The following CD247 variants were observed in gnomAD, a reference collection of about 807,000 sequenced individuals.
The protein encoded by CD247 is T-cell surface glycoprotein CD3 zeta chain.
CD247 carries 13 observed loss-of-function variants against 30.0 expected under a neutral mutation model. That is an observed-to-expected ratio of 0.43 (90% CI 0.28 to 0.69). CD247 has a LOEUF of 0.69. Among genes scored for constraint, CD247 ranks in the 30% least tolerant of loss-of-function variants. CD247 has a pLI of 0.16. For missense variants in CD247, 193 were observed against 212.6 expected (o/e 0.91, Z 0.57); for synonymous variants, 72 against 80.0 (o/e 0.90, Z 0.53).
intron 1 of CD247, among the ~76,000 whole-genome samples, chr1:167,481,449 C>T (rs959789728): frequency 7.9e-5 from 12 of 152,054 alleles, no homozygotes; most frequent in Admixed American, 1.3e-4. Flanking sequence ...GATTTCATGA[C>T]GCAGGGGAGA....
chr1:167,507,963 TA>T (rs935522183), intron 1 of CD247, among the ~76,000 whole-genome samples: 1 of 152,142 alleles, frequency 6.6e-6, no homozygotes, highest in Non-Finnish European at 1.5e-5. Context: ...AACGAGGAAT[TA>T]GGTCAGCTTC....
intron 1 of CD247, among the ~76,000 whole-genome samples, chr1:167,485,500 C>T (rs1003609157): frequency 1.3e-5 from 2 of 152,112 alleles, no homozygotes; most frequent in Non-Finnish European, 2.9e-5. Context: ...AAAACCTAGT[C>T]TAGGGTGTGG....
chr1:167,446,546 C>T (rs1292690517), intron 1 of CD247, among the ~76,000 whole-genome samples: 4 of 152,260 alleles, frequency 2.6e-5, no homozygotes, highest in Admixed American at 6.5e-5. Context: ...TGCACAGTGG[C>T]GCATGCTAAG....
intron 1 of CD247, among the ~76,000 whole-genome samples, chr1:167,475,258 A>C (rs947140372): frequency 6.6e-6 from 1 of 152,180 alleles, no homozygotes; most frequent in African/African-American, 2.4e-5. Context: ...CACCTGTCGC[A>C]CAACATCAAC....
chr1:167,506,364 C>G lies in CD247; in HGVS notation c.58+12044G>C, dbSNP rs1051226052. Among the ~76,000 whole-genome samples the G allele has an allele frequency of 1.4e-5, 2 of 147,434 alleles. 1 individual carries two copies. Among genetic ancestry groups the G allele is most frequent in the Admixed American group, 1.4e-4 (2 of 14,544 alleles). ...TCTCCCTCCCCTCCCCTCCCCTTCC[C>G]TTTCTTTTTCTCTCACTCTGTTGTC... is the stretch of plus-strand genomic sequence containing the variant. On this transcript the variant is annotated intron_variant, in intron 1 of 7. Coordinates refer to ENST00000362089, the MANE Select transcript of CD247 (RefSeq NM_198053.3).
intron 1 of CD247, among the ~76,000 whole-genome samples, chr1:167,502,545 A>G (rs1211605420): frequency 1.3e-5 from 2 of 152,160 alleles, no homozygotes; most frequent in East Asian, 3.8e-4. Context: ...TTGAGAGATG[A>G]TTCCAGAAAC....
chr1:167,440,635 C>A (rs752198746), intron 2 of CD247, 29 bp downstream of exon 2: 42 of 1,489,256 alleles, frequency 2.8e-5, no homozygotes, highest in Non-Finnish European at 3.9e-5. Flanking sequence ...GGACCCCGTG[C>A]CCTCCTCCCA....
At chr1:167,453,759 G>T (rs973048018) in intron 1 of CD247, among the ~76,000 whole-genome samples, 16 of 152,174 alleles carry the variant, frequency 1.1e-4, no homozygotes. Flanking sequence ...CTTGAGCTCA[G>T]GAGTTTGAGA....
intron 1 of CD247, among the ~76,000 whole-genome samples, chr1:167,505,014 CT>C (rs1364252904): frequency 1.2e-4 from 19 of 152,216 alleles, no homozygotes; most frequent in Admixed American, 1.2e-3. Flanking sequence ...CTCACGACAG[CT>C]TTTCTTTAAA....
At position 167,517,334 on chromosome 1, in the gene CD247, G is replaced by A. The variant is rs35657253; in HGVS notation, c.58+1074C>T. Among the ~76,000 whole-genome samples, 1,254 of 152,318 alleles carry A rather than the reference G, an allele frequency of 8.2e-3. 19 individuals are homozygous for A. Among genetic ancestry groups the A allele is most frequent in the African/African-American group, 0.029 (1,190 of 41,558 alleles). On this transcript the variant is annotated intron_variant, in intron 1 of 7. Transcript: ENST00000362089. ...GCCCCTAAACAAATTCCCACACCCAGGTGAGTTACCAGGAGCGATCAGGTG... is the reference window on the plus strand; with the variant it reads ...GCCCCTAAACAAATTCCCACACCCAAGTGAGTTACCAGGAGCGATCAGGTG...
At chr1:167,454,778 C>T (rs1024548608) in intron 1 of CD247, among the ~76,000 whole-genome samples, 1 of 152,192 alleles carries the variant, frequency 6.6e-6, no homozygotes, top group Non-Finnish European at 1.5e-5. Flanking sequence ...AGCTGGAGAC[C>T]CTCTGGGCCT....
At chr1:167,502,985 G>A (rs1654973883) in intron 1 of CD247, among the ~76,000 whole-genome samples, 1 of 152,304 alleles carries the variant, frequency 6.6e-6, no homozygotes, top group East Asian at 1.9e-4. Context: ...TCAGTTTGTG[G>A]CACTTTGTTA....
chr1:167,475,408 G>A (rs1408642626), intron 1 of CD247, among the ~76,000 whole-genome samples: 4 of 152,126 alleles, frequency 2.6e-5, no homozygotes, highest in South Asian at 2.1e-4. Flanking sequence ...GGAAGAAATC[G>A]AACACTTATC....
chr1:167,498,499 A>C (rs935772409), intron 1 of CD247, among the ~76,000 whole-genome samples: 14 of 152,164 alleles, frequency 9.2e-5, no homozygotes, highest in Non-Finnish European at 1.9e-4. Flanking sequence ...CAGACACTCT[A>C]TTTGGCCTTT....
chr1:167,452,680 C>T (rs1249318999), intron 1 of CD247, among the ~76,000 whole-genome samples: 1 of 152,094 alleles, frequency 6.6e-6, no homozygotes, highest in Non-Finnish European at 1.5e-5. Flanking sequence ...GAGAGGGGCA[C>T]AGGGTGCTAA....
chr1:167,471,939 T>TCTC (rs1182994885), intron 1 of CD247, among the ~76,000 whole-genome samples: 1 of 151,204 alleles, frequency 6.6e-6, no homozygotes, highest in Non-Finnish European at 1.5e-5. Flanking sequence ...TTCAAGCAAT[T>TCTC]CTCCTGCCTC....
intron 1 of CD247, among the ~76,000 whole-genome samples, chr1:167,498,649 G>A (rs1193575676): frequency 6.6e-6 from 1 of 152,198 alleles, no homozygotes. Flanking sequence ...TGCAAGGTAG[G>A]TAATCTTCAT....
chr1:167,494,234 T>C lies in CD247; in HGVS notation c.58+24174A>G, dbSNP rs1309826129. Among the ~76,000 whole-genome samples the C allele has an allele frequency of 6.6e-6, 1 of 152,126 alleles. No individual in the cohort carries two copies. The highest frequency in any genetic ancestry group is 2.4e-5 in the African/African-American group (1 of 41,422). ...TCTGAAGGGTCTTTGCTGCCTGTGT[T>C]GATGGCCATGATCAATTCGGATCCC... On this transcript the variant is annotated intron_variant, in intron 1 of 7. Transcript: ENST00000362089. This position sits in a 1 kb window ranked among gnomAD's most constrained non-coding sequence, Gnocchi z 7.3.
chr1:167,435,523 G>A, intron 4 of CD247, 89 bp from the exon 5 acceptor site: 3 of 1,059,378 alleles, frequency 2.8e-6, no homozygotes, highest in Non-Finnish European at 4.4e-6. Context: ...CCCCCTGACT[G>A]CAGTTTCCTG....
Sources: allele counts gnomAD v4.1 joint callset (sites outside exome capture counted in the v4.1 genomes callset), GRCh38; gene constraint gnomAD v4.1.1; non-coding constraint Gnocchi (gnomAD v3.1); transcripts MANE v1.5; gene names NCBI Gene and HGNC (gene_info 2026-07-23, HGNC 2026-07-21).